Variants in NFAM1 observed in about 807,000 individuals in gnomAD.
NFAM1 encodes NFAT activating protein with ITAM motif 1.
Under a neutral mutation model 29.0 loss-of-function variants are expected in NFAM1, and 17 were observed. The ratio of observed to expected loss-of-function variants is 0.59; its 90% confidence interval spans 0.40 to 0.88. NFAM1 has a LOEUF of 0.88. NFAM1 is among the 40% of genes least tolerant of loss of function. The pLI is 0.00. For synonymous variants in NFAM1, 175 were observed against 147.2 expected (o/e 1.19, Z -1.36); for missense variants, 324 against 344.6 (o/e 0.94, Z 0.47).
chr22:42,392,331 G>A (rs1321529155), intron 4 of NFAM1, among the ~76,000 whole-genome samples: 2 of 152,152 alleles, frequency 1.3e-5, no homozygotes, highest in Non-Finnish European at 2.9e-5. Flanking sequence ...GCTCAAGGGT[G>A]TCAGATGCCG....
intron 1 of NFAM1, 111 bp downstream of exon 1, chr22:42,432,126 C>A: frequency 1.0e-6 from 1 of 990,246 alleles, no homozygotes; most frequent in Non-Finnish European, 1.6e-6. Flanking sequence ...AAACGACAAC[C>A]AGCAAATCCC....
At chr22:42,391,383 G>C (rs750877403) in intron 4 of NFAM1, among the ~76,000 whole-genome samples, 2 of 152,018 alleles carry the variant, frequency 1.3e-5, no homozygotes, top group Admixed American at 6.6e-5. Context: ...ATGGGGAGGG[G>C]AAAGGATAAA....
chr22:42,400,059 G>A (rs1203197697), intron 3 of NFAM1, among the ~76,000 whole-genome samples: 1 of 152,204 alleles, frequency 6.6e-6, no homozygotes, highest in African/African-American at 2.4e-5. Flanking sequence ...AAGGCTCAGA[G>A]AAGGCAGGTG....
chr22:42,406,216 C>T (rs545459304), intron 3 of NFAM1, among the ~76,000 whole-genome samples: 1 of 135,316 alleles, frequency 7.4e-6, no homozygotes, highest in African/African-American at 2.6e-5. Flanking sequence ...ACCACTTGCG[C>T]GAGTCCCTTT....
intron 4 of NFAM1, among the ~76,000 whole-genome samples, chr22:42,396,483 TTATA>T (rs56372586): frequency 0.17 from 24,789 of 149,970 alleles, 2,172 homozygotes; most frequent in African/African-American, 0.21. Flanking sequence ...TTTTCTTCTT[TTATA>T]TATATATATA....
chr22:42,405,356 C>T (rs900653636), intron 3 of NFAM1, among the ~76,000 whole-genome samples: 9 of 152,094 alleles, frequency 5.9e-5, no homozygotes, highest in East Asian at 1.9e-4. Context: ...GGTCCGCAGG[C>T]GGGGGGAGTC....
At chr22:42,386,873 C>A in intron 5 of NFAM1, 116 bp downstream of exon 5, 1 of 609,390 alleles carries the variant, frequency 1.6e-6, no homozygotes. Context: ...CAGGAGATGG[C>A]TGGGATTCCA....
intron 1 of NFAM1, among the ~76,000 whole-genome samples, chr22:42,414,774 C>G (rs942075950): frequency 6.6e-6 from 1 of 151,974 alleles, no homozygotes; most frequent in Non-Finnish European, 1.5e-5. Context: ...TAAGAGGCCA[C>G]TCCAGGGGGA....
intron 4 of NFAM1, among the ~76,000 whole-genome samples, chr22:42,397,032 G>A (rs906555054): frequency 6.6e-6 from 1 of 150,506 alleles, no homozygotes; most frequent in Admixed American, 6.6e-5. Flanking sequence ...CCACCTGGCG[G>A]TGCCAGATCT....
At chr22:42,395,619 A>G (rs1309602401) in intron 4 of NFAM1, among the ~76,000 whole-genome samples, 1 of 152,046 alleles carries the variant, frequency 6.6e-6, no homozygotes, top group African/African-American at 2.4e-5. Flanking sequence ...GCGGTGGCTC[A>G]CACCTGTAAT....
upstream of NFAM1, among the ~76,000 whole-genome samples, chr22:42,435,288 G>C (rs752182049): frequency 1.3e-5 from 2 of 152,100 alleles, no homozygotes; most frequent in African/African-American, 2.4e-5. Flanking sequence ...TCGACACCAA[G>C]ACTAAGGCTT....
intron 1 of NFAM1, among the ~76,000 whole-genome samples, chr22:42,415,338 C>T (rs1423808726): frequency 3.7e-5 from 5 of 135,476 alleles, no homozygotes; most frequent in East Asian, 2.1e-4. Flanking sequence ...CTCGCTCTGT[C>T]GCCCAGGCTG....
At chr22:42,402,815 G>A (rs914389287) in intron 3 of NFAM1, among the ~76,000 whole-genome samples, 8 of 150,384 alleles carry the variant, frequency 5.3e-5, no homozygotes, top group African/African-American at 1.7e-4. Context: ...GACCCACACC[G>A]GTCCCTCTGT....
rs1929394927 is a variant in NFAM1 at position 42,392,978 on chromosome 22, T to G, written c.663+4880A>C. ...CCATGCCTGGCTAATTTTTGTATTT[T>G]TAGTAGAGAGGGGGTTTCATCATGT... On this transcript the variant is annotated intron_variant, in intron 4 of 5. Transcript: ENST00000329021. Among the ~76,000 whole-genome samples the G allele has an allele frequency of 2.0e-5, 3 of 152,124 alleles. No homozygotes were observed. The South Asian group carries it at 6.2e-4, about 32-fold the overall frequency.
intron 4 of NFAM1, among the ~76,000 whole-genome samples, chr22:42,390,288 G>C (rs1189806044): frequency 1.3e-5 from 2 of 152,092 alleles, no homozygotes; most frequent in Non-Finnish European, 2.9e-5. Flanking sequence ...GGTAAGAACA[G>C]GCTTCTGCCC....
rs567386056 is a variant in NFAM1, at chr22:42,423,956, G to A, written c.121+8281C>T. Among the ~76,000 whole-genome samples the A allele has an allele frequency of 3.3e-5, 5 of 152,054 alleles. No homozygotes were observed. The South Asian group carries it at 1.0e-3, about 32-fold the overall frequency. ...GCTGGTCTTGAACTCCTGACCTCAT[G>A]ACCTCACCATGTTGGCCAGTCTCAA... On this transcript the variant is annotated intron_variant, in intron 1 of 5. Transcript: ENST00000329021.
At chr22:42,390,962 G>A (rs182705665) in intron 4 of NFAM1, among the ~76,000 whole-genome samples, 222 of 152,270 alleles carry the variant, frequency 1.5e-3, no homozygotes, top group African/African-American at 5.1e-3. Flanking sequence ...CGTGGCGGTC[G>A]TAAGAACTGC....
intron 3 of NFAM1, among the ~76,000 whole-genome samples, chr22:42,400,213 A>G (rs1929680758): frequency 6.6e-6 from 1 of 152,226 alleles, no homozygotes. Context: ...GACACAGAGC[A>G]GTGCTGGCGT....
intron 1 of NFAM1, among the ~76,000 whole-genome samples, chr22:42,430,534 T>C (rs948370506): frequency 8.0e-6 from 1 of 124,556 alleles, no homozygotes; most frequent in African/African-American, 3.3e-5. Context: ...CACTTCAGCC[T>C]GAGTGACAAG....
Sources: gnomAD v4.1 joint callset for allele counts (sites outside exome capture counted in the v4.1 genomes callset) on GRCh38, gnomAD v4.1.1 for gene constraint, MANE v1.5 for transcripts, NCBI Gene and HGNC (gene_info 2026-07-23, HGNC 2026-07-21) for gene names.